The following ZNF469 variants were observed in gnomAD, a reference collection of about 807,000 sequenced individuals.
ZNF469 encodes zinc finger protein 469.
In ZNF469, 1 loss-of-function variant was observed where a neutral mutation model predicts 1.0. That is an observed-to-expected ratio of 1.00 (90% confidence interval 0.35 to 4.73). The LOEUF is 4.73. Among genes scored for constraint, ZNF469 ranks in the 30% most tolerant of loss-of-function variants. The pLI is 0.16. For missense variants in ZNF469, 6,100 were observed against 5,356.3 expected, an observed-to-expected ratio of 1.14 and a Z score of -4.33; for synonymous variants, 2,703 against 2,363.4, an observed-to-expected ratio of 1.14 and a Z score of -4.17.
the ZNF469 span, among the ~76,000 whole-genome samples, chr16:88,305,453 GAC>G: frequency 6.3e-5 from 6 of 95,676 alleles, no homozygotes; most frequent in East Asian, 6.1e-4. Flanking sequence ...CATGCTCATA[GAC>G]ACACACGCAC....
the ZNF469 span, among the ~76,000 whole-genome samples, chr16:88,118,032 T>A: frequency 6.6e-6 from 1 of 152,238 alleles, no homozygotes; most frequent in Admixed American, 6.5e-5. Flanking sequence ...AACCTCCGCC[T>A]CCTGGATTCA....
At chr16:88,235,255 C>T in the ZNF469 span, among the ~76,000 whole-genome samples, 1 of 152,242 alleles carries the variant, frequency 6.6e-6, no homozygotes, top group South Asian at 2.1e-4. Context: ...ACAGCCCTCC[C>T]TGCCCATGGA....
chr16:88,140,270 GA>G, the ZNF469 span, among the ~76,000 whole-genome samples: 1 of 149,026 alleles, frequency 6.7e-6, no homozygotes, highest in Non-Finnish European at 1.5e-5. Context: ...AGTGGCCGGG[GA>G]AATACAATAC....
chr16:88,113,614 T>C, the ZNF469 span, among the ~76,000 whole-genome samples: 3 of 152,142 alleles, frequency 2.0e-5, no homozygotes, highest in African/African-American at 7.2e-5. Context: ...CTCAGTTACC[T>C]CCGCAGACTG....
upstream of ZNF469, among the ~76,000 whole-genome samples, chr16:88,379,416 C>A (rs1226965432): frequency 1.3e-5 from 2 of 152,108 alleles, no homozygotes; most frequent in Admixed American, 6.5e-5. Flanking sequence ...CCCCATCAGG[C>A]AACTCCTTCC....
At chr16:88,244,012 G>C in the ZNF469 span, among the ~76,000 whole-genome samples, 8 of 141,848 alleles carry the variant, frequency 5.6e-5, no homozygotes, top group African/African-American at 1.8e-4. Flanking sequence ...ATGGATGTAC[G>C]TATGGGTGAG....
chr16:88,357,497 C>T, the ZNF469 span, among the ~76,000 whole-genome samples: 394 of 152,320 alleles, frequency 2.6e-3, 1 homozygote, highest in African/African-American at 9.0e-3. Context: ...CCCTGGGCCT[C>T]GGTGGCATCA....
At chr16:88,402,694 C>G (rs1192557400) in intron 1 of ZNF469, among the ~76,000 whole-genome samples, 2 of 152,192 alleles carry the variant, frequency 1.3e-5, no homozygotes, top group Non-Finnish European at 2.9e-5. Context: ...CAGGCCAGCC[C>G]TGCCAGGATC....
chr16:88,431,385 T>TG lies in ZNF469; in HGVS notation c.3920dup (p.Thr1308HisfsTer26), dbSNP rs1231164177. On this transcript the variant is annotated frameshift_variant, in exon 3 of 3. Coordinates refer to ENST00000565624, the MANE Select transcript of ZNF469 (RefSeq NM_001367624.2). LOFTEE classifies it low-confidence loss of function (END_TRUNC). ...GTGTGGGCAGCCTGCTGGGTGGTCC[T>TG]GGGGGCACACAGGCCCCAGTCTCCC... 6.5e-7 allele frequency: 1 copy of TG among 1,549,992 alleles called. No individual in the cohort carries two copies. Among genetic ancestry groups the TG allele is most frequent in the African/African-American group, 1.4e-5 (1 of 73,040 alleles).
the ZNF469 span, among the ~76,000 whole-genome samples, chr16:88,277,102 G>A: frequency 6.6e-6 from 1 of 150,592 alleles, no homozygotes; most frequent in African/African-American, 2.4e-5. Context: ...GTCAGTGCAC[G>A]GTTAGTGCTG....
At chr16:88,298,369 C>T in the ZNF469 span, among the ~76,000 whole-genome samples, 15 of 152,276 alleles carry the variant, frequency 9.9e-5, no homozygotes, top group African/African-American at 3.1e-4. Context: ...CGGGAAAGGG[C>T]GGATGACACA....
the ZNF469 span, among the ~76,000 whole-genome samples, chr16:88,207,599 C>T: frequency 9.5e-4 from 144 of 150,992 alleles, no homozygotes; most frequent in African/African-American, 3.2e-3. Flanking sequence ...TCTCTCCATT[C>T]GGAGGCCAGA....
At chr16:88,242,048 T>A in the ZNF469 span, among the ~76,000 whole-genome samples, 1 of 152,304 alleles carries the variant, frequency 6.6e-6, no homozygotes, top group East Asian at 1.9e-4. Flanking sequence ...AAGGAGCTCA[T>A]GAGGCTTTGG....
chr16:88,301,745 T>C, the ZNF469 span, among the ~76,000 whole-genome samples: 3 of 152,210 alleles, frequency 2.0e-5, no homozygotes, highest in Non-Finnish European at 4.4e-5. Context: ...CTCTTGTCCC[T>C]TCTGTCTCTG....
chr16:88,102,033 C>T, the ZNF469 span, among the ~76,000 whole-genome samples: 2 of 151,812 alleles, frequency 1.3e-5, no homozygotes, highest in African/African-American at 2.4e-5. Flanking sequence ...AGCGACAGGC[C>T]GGCCTCAGAA....
At chr16:88,327,870 C>T in the ZNF469 span, among the ~76,000 whole-genome samples, 1,705 of 152,314 alleles carry the variant, frequency 0.011, 23 homozygotes, top group African/African-American at 0.039. Context: ...GCCCACACAC[C>T]CACCGGAAAC....
the ZNF469 span, among the ~76,000 whole-genome samples, chr16:88,128,282 G>T: frequency 6.6e-6 from 1 of 152,312 alleles, no homozygotes; most frequent in Non-Finnish European, 1.5e-5. Context: ...GAAGTAGGGG[G>T]TGATCCTGGG....
chr16:88,119,163 AAGAT>A, the ZNF469 span, among the ~76,000 whole-genome samples: 21 of 152,224 alleles, frequency 1.4e-4, no homozygotes, highest in Admixed American at 1.4e-3. Context: ...CTTGAAAAGA[AAGAT>A]AGTAAGTGAA....
chr16:88,284,113 G>GTGGAGGCTGGTAGACCCCCAGTGTGCCCA, the ZNF469 span, among the ~76,000 whole-genome samples: 1 of 75,000 alleles, frequency 1.3e-5, no homozygotes, highest in Non-Finnish European at 2.7e-5. Context: ...GAGTGTGCCT[G>GTGGAGGCTGGTAGACCCCCAGTGTGCCCA]AGGTCTGTGG....
Sources: gnomAD v4.1 joint callset for allele counts (sites outside exome capture counted in the v4.1 genomes callset) on GRCh38, gnomAD v4.1.1 for gene constraint, MANE v1.5 for transcripts, NCBI Gene and HGNC (gene_info 2026-07-23, HGNC 2026-07-21) for gene names.